Variants in ASIC2 observed in about 807,000 individuals in gnomAD.
ASIC2 encodes the protein acid-sensing ion channel 2.
Under a neutral mutation model 57.3 loss-of-function variants are expected in ASIC2, and 25 were observed. The observed-to-expected ratio is 0.44, with a 90% CI of 0.32 to 0.61. ASIC2 has a LOEUF of 0.61. Ranked by LOEUF, ASIC2 falls within the 20% of genes least tolerant of loss-of-function variation. ASIC2 has a pLI of 0.06. For missense variants in ASIC2, 641 were observed against 738.1 expected (o/e 0.87, Z 1.52); for synonymous variants, 319 against 307.5 (o/e 1.04, Z -0.39).
chr17:33,461,689 G>C (rs553721751), intron 1 of ASIC2, among the ~76,000 whole-genome samples: 1 of 152,248 alleles, frequency 6.6e-6, no homozygotes, highest in Non-Finnish European at 1.5e-5. Flanking sequence ...TTAAGTACAT[G>C]AGAAGGGTGT....
At chr17:33,686,626 C>T (rs8080289) in intron 1 of ASIC2, among the ~76,000 whole-genome samples, 74,682 of 152,034 alleles carry the variant, frequency 0.49, 18,705 homozygotes, top group African/African-American at 0.57. Context: ...CAAGCAGCCT[C>T]ATGTAGGAAG....
At chr17:33,794,458 G>A (rs1234022028) in intron 1 of ASIC2, 3 of 152,316 alleles carry the variant, frequency 2.0e-5, no homozygotes, top group Non-Finnish European at 2.9e-5. Context: ...ATTGGTGAAT[G>A]GGTGAGCATG....
At chr17:33,123,510 G>A in intron 1 of ASIC2, among the ~76,000 whole-genome samples, 1 of 152,042 alleles carries the variant, frequency 6.6e-6, no homozygotes, top group African/African-American at 2.4e-5. Context: ...ACAGTTGCTT[G>A]CCTAATCTTG....
At chr17:33,347,018 G>T (rs188630030) in intron 1 of ASIC2, among the ~76,000 whole-genome samples, 1 of 152,202 alleles carries the variant, frequency 6.6e-6, no homozygotes, top group East Asian at 1.9e-4. Flanking sequence ...GATGGAGTGT[G>T]TGTGCTTCAT....
At chr17:33,924,096 T>A (rs1305806579) in intron 1 of ASIC2, among the ~76,000 whole-genome samples, 1 of 152,210 alleles carries the variant, frequency 6.6e-6, no homozygotes, top group East Asian at 1.9e-4. Context: ...AAGTTTCAGG[T>A]TTATGGGGCA....
intron 1 of ASIC2, among the ~76,000 whole-genome samples, chr17:33,310,900 T>C (rs753010288): frequency 4.6e-5 from 7 of 152,210 alleles, no homozygotes; most frequent in Non-Finnish European, 8.8e-5. Context: ...CTACATATAG[T>C]TGCATTTTTA....
intron 1 of ASIC2, among the ~76,000 whole-genome samples, chr17:33,288,555 T>C (rs1459599924): frequency 6.6e-6 from 1 of 152,142 alleles, no homozygotes; most frequent in Non-Finnish European, 1.5e-5. Context: ...ACCATGTGCT[T>C]TGAGCAGTGC....
chr17:33,876,479 T>C (rs536637391), intron 1 of ASIC2, among the ~76,000 whole-genome samples: 11 of 152,340 alleles, frequency 7.2e-5, no homozygotes, highest in African/African-American at 2.4e-4. Flanking sequence ...TTGAGTAATT[T>C]ATATTTTTGA....
At chr17:33,238,284 C>T (rs1040770883) in intron 1 of ASIC2, among the ~76,000 whole-genome samples, 1 of 152,186 alleles carries the variant, frequency 6.6e-6, no homozygotes, top group African/African-American at 2.4e-5. Context: ...CGAGGCTGCT[C>T]CTTGGATTCA....
chr17:34,131,860 C>CT (rs1911978457), intron 1 of ASIC2, among the ~76,000 whole-genome samples: 1 of 152,214 alleles, frequency 6.6e-6, no homozygotes, highest in Non-Finnish European at 1.5e-5. Context: ...GTGTGAAAGC[C>CT]TGAGTGCTGG....
At chr17:33,998,893 T>C (rs908946365) in intron 1 of ASIC2, among the ~76,000 whole-genome samples, 1 of 152,142 alleles carries the variant, frequency 6.6e-6, no homozygotes, top group Non-Finnish European at 1.5e-5. Flanking sequence ...TGGTCTATAG[T>C]GTTGTTCAAG....
At chr17:33,587,602 G>C (rs1192464996) in intron 1 of ASIC2, among the ~76,000 whole-genome samples, 6 of 152,204 alleles carry the variant, frequency 3.9e-5, no homozygotes, top group Non-Finnish European at 8.8e-5. Flanking sequence ...GATTGGCCGT[G>C]ATTGACTGCC....
chr17:34,013,894 G>A (rs1004376353), intron 1 of ASIC2, among the ~76,000 whole-genome samples: 1 of 152,158 alleles, frequency 6.6e-6, no homozygotes, highest in African/African-American at 2.4e-5. Context: ...AGTGTGCCTG[G>A]CCCTGATAGA....
At chr17:33,275,078 G>A (rs1211049310) in intron 1 of ASIC2, among the ~76,000 whole-genome samples, 1 of 152,178 alleles carries the variant, frequency 6.6e-6, no homozygotes, top group Non-Finnish European at 1.5e-5. Context: ...TGTTCTGCAA[G>A]TCTGCACCTG....
At chr17:33,439,752 C>T (rs1281726168) in intron 1 of ASIC2, among the ~76,000 whole-genome samples, 4 of 152,108 alleles carry the variant, frequency 2.6e-5, no homozygotes, top group African/African-American at 4.8e-5. Flanking sequence ...TAAACATCTT[C>T]GGGAGGGGAT....
At chr17:33,312,554 A>T (rs565814703) in intron 1 of ASIC2, among the ~76,000 whole-genome samples, 1 of 152,324 alleles carries the variant, frequency 6.6e-6, no homozygotes, top group African/African-American at 2.4e-5. Flanking sequence ...CAGCCATGCT[A>T]TGAGTAAGAA....
At chr17:33,694,352 C>T (rs754724175) in intron 1 of ASIC2, among the ~76,000 whole-genome samples, 3 of 152,186 alleles carry the variant, frequency 2.0e-5, no homozygotes, top group South Asian at 2.1e-4. Context: ...ACGGGAGCAC[C>T]GTCATGATCT....
At chr17:33,223,941 C>G (rs915255888) in intron 1 of ASIC2, among the ~76,000 whole-genome samples, 1 of 152,296 alleles carries the variant, frequency 6.6e-6, no homozygotes, top group East Asian at 1.9e-4. Flanking sequence ...CAATGAAGTC[C>G]TGGTCACAGA....
chr17:33,978,101 A>C (rs1053605571), intron 1 of ASIC2, among the ~76,000 whole-genome samples: 27 of 152,166 alleles, frequency 1.8e-4, no homozygotes, highest in African/African-American at 6.5e-4. Context: ...ACCACGCCAG[A>C]CCTGGATCTT....
Sources: allele counts gnomAD v4.1 joint callset (sites outside exome capture counted in the v4.1 genomes callset), GRCh38; gene constraint gnomAD v4.1.1; transcripts MANE v1.5; gene names NCBI Gene and HGNC (gene_info 2026-07-23, HGNC 2026-07-21).